Variants in RBBP4 observed in about 807,000 individuals in gnomAD.
RBBP4 encodes histone-binding protein RBBP4.
In RBBP4, 3 loss-of-function variants were observed where a neutral mutation model predicts 57.2. The ratio of observed to expected loss-of-function variants is 0.05; its 90% CI spans 0.02 to 0.14. The LOEUF is 0.14. RBBP4 is among the 10% of genes least tolerant of loss of function. The pLI is 1.00. For missense variants in RBBP4, 107 were observed against 520.6 expected (o/e 0.21, Z 7.73); for synonymous variants, 151 against 171.5 (o/e 0.88, Z 0.93).
At chr1:32,665,695 AG>A (rs1402220763) in intron 3 of RBBP4, among the ~76,000 whole-genome samples, 1 of 150,274 alleles carries the variant, frequency 6.7e-6, no homozygotes, top group Non-Finnish European at 1.5e-5. Flanking sequence ...AAAAAAAAAA[AG>A]CACTATATAG....
At chr1:32,652,145 C>T (rs1420199415) in intron 2 of RBBP4, 84 bp downstream of exon 2, 27 of 1,468,830 alleles carry the variant, frequency 1.8e-5, no homozygotes, top group Non-Finnish European at 2.5e-5. Context: ...GCTCTTCAGT[C>T]ACCCGGAGAA....
At chr1:32,673,638 A>T (rs192422111) in intron 11 of RBBP4, 1 of 252,290 alleles carries the variant, frequency 4.0e-6, no homozygotes, top group Non-Finnish European at 7.9e-6. Flanking sequence ...CGGTTTCACT[A>T]TGTTGGCCAG....
chr1:32,673,015 G>GT, intron 11 of RBBP4, 114 bp downstream of exon 11: 1 of 841,008 alleles, frequency 1.2e-6, no homozygotes, highest in Non-Finnish European at 1.9e-6. Flanking sequence ...ACTCCCAGGT[G>GT]TGATTTTAAG....
At chr1:32,660,836 G>C (rs1027603754) in intron 3 of RBBP4, among the ~76,000 whole-genome samples, 2 of 152,118 alleles carry the variant, frequency 1.3e-5, no homozygotes, top group Non-Finnish European at 2.9e-5. Context: ...TTGAGGCGGA[G>C]TCTTGCTTTG....
Position 32,651,997 on chromosome 1 carries a change from T to G in RBBP4, c.100T>G (p.Leu34Val). Reference protein sequence around the residue: ...WKKNTPFLYDLVMTHALEWPS... With the variant: ...WKKNTPFLYDVVMTHALEWPS... ...AAAGAACACCCCTTTTCTTTATGATTTGGTGATGACCCATGCTCTGGAGTG... is the reference window on the plus strand; with the variant it reads ...AAAGAACACCCCTTTTCTTTATGATGTGGTGATGACCCATGCTCTGGAGTG... The change falls in exon 2 of 12, where the codon TTG becomes GTG. Residue 34 changes from leucine (L) to valine (V), a missense_variant. Physicochemically the swap from Leu to Val is conservative, Grantham distance 32 (BLOSUM62 1). Transcript: ENST00000373493. The G allele has an allele frequency of 6.2e-7, 1 of 1,613,976 alleles. No individual in the cohort carries two copies. Among genetic ancestry groups the G allele is most frequent in the Non-Finnish European group, 8.5e-7 (1 of 1,179,846 alleles).
At chr1:32,678,226 C>T (rs543743461) in intron 11 of RBBP4, among the ~76,000 whole-genome samples, 1 of 152,194 alleles carries the variant, frequency 6.6e-6, no homozygotes, top group African/African-American at 2.4e-5. Flanking sequence ...TATGGATTTG[C>T]CTGTTTTGGA....
At position 32,682,714 on chromosome 1, in the gene RBBP4, T is replaced by G. The variant is rs951149732; in HGVS notation, c.*3009T>G. 2.0e-5 allele frequency: 3 copies of G among 151,358 alleles called. No homozygotes were observed. Among genetic ancestry groups the G allele is most frequent in the East Asian group, 2.0e-4 (1 of 5,082 alleles). The allele number at this position is 151,358 out of a possible 1,614,324, so 9.4% of individuals were successfully genotyped here. ...TGAACCCAGGAGGTGGAGGTTGCAG[T>G]GAACTGAGACCGTGCCACTGCACTC... is the stretch of plus-strand genomic sequence containing the variant. On this transcript the variant is annotated 3_prime_UTR_variant, in exon 12 of 12. Coordinates refer to ENST00000373493, the MANE Select transcript of RBBP4 (RefSeq NM_005610.3).
chr1:32,664,438 A>G (rs576871577), intron 3 of RBBP4, among the ~76,000 whole-genome samples: 9 of 151,768 alleles, frequency 5.9e-5, no homozygotes, highest in South Asian at 2.1e-4. Context: ...TCTGGCAGCT[A>G]TGCTTCTTTT....
rs755475560 is a variant in RBBP4, at chr1:32,669,036, T to C, written c.665T>C (p.Ile222Thr). ...GGAAAAGTGGTAGATGCGAAGACCA[T>C]CTTTACAGGGCATACGGCAGTAGTA... ...KEGKVVDAKT[I>T]FTGHTAVVED... The change falls in exon 6 of 12, where the codon ATC (isoleucine) becomes ACC (threonine). Residue 222 changes from isoleucine to threonine, a missense_variant. Ile to Thr is a moderately conservative substitution (Grantham distance 89, BLOSUM62 -1). Transcript: ENST00000373493. This position sits in a 1 kb window ranked among gnomAD's most constrained non-coding sequence, Gnocchi z 4.9. 2.5e-6 allele frequency: 4 copies of C among 1,613,926 alleles called. No homozygotes were observed.
chr1:32,667,172 CCTCCTTGTGGTGCTGTGCTTCAGTGGTCA>C (rs1347786362), intron 3 of RBBP4, among the ~76,000 whole-genome samples: 1 of 152,190 alleles, frequency 6.6e-6, no homozygotes, highest in Admixed American at 6.5e-5. Flanking sequence ...GGCCTAAACC[CCTCCTTGTGGTGCTGTGCTTCAGTGGTCA>C]TGCTCCTTGT....
rs544784337 is a variant in RBBP4, at chr1:32,655,861, G to T, written c.165-1566G>T. 1.5e-4 allele frequency among the ~76,000 whole-genome samples: 23 copies of T among 152,264 alleles called. No homozygotes were observed. The East Asian group carries it at 4.4e-3, about 29-fold the overall frequency. ...AGCATCTTTCCCATCTAGGCCAGGG[G>T]TTCTCAAAATTTTATATGCATCATA... On this transcript the variant is annotated intron_variant, in intron 2 of 11. Coordinates refer to ENST00000373493, the MANE Select transcript of RBBP4 (RefSeq NM_005610.3).
In RBBP4 at chr1:32,680,362, T is replaced by TG. The variant is rs1252156649; in HGVS notation, c.*657_*658insG. The stretch of plus-strand genomic sequence containing the variant: ...TGTTTTTTTTTTTGTTGTTGGTTTT[T>TG]TTTTTTTTTTTTTTAACTTGGGACC... On this transcript the variant is annotated 3_prime_UTR_variant, in exon 12 of 12. Coordinates refer to ENST00000373493, the MANE Select transcript of RBBP4 (RefSeq NM_005610.3). 9.0e-7 allele frequency: 1 copy of TG among 1,116,912 alleles called. No individual in the cohort carries two copies. Among genetic ancestry groups the TG allele is most frequent in the African/African-American group, 1.6e-5 (1 of 60,866 alleles). The allele number at this position is 1,116,912 out of a possible 1,614,324, so 69.2% of individuals were successfully genotyped here.
chr1:32,681,528 A>G lies in RBBP4; in HGVS notation c.*1823A>G. The G allele has an allele frequency of 7.3e-6, 3 of 409,270 alleles. No individual in the cohort carries two copies. Among genetic ancestry groups the G allele is most frequent in the Non-Finnish European group, 8.7e-6 (2 of 229,122 alleles). The allele number at this position is 409,270 out of a possible 1,614,324, so 25.4% of individuals were successfully genotyped here. ...CTTTAAAATACTCCCAGATGTGTCC[A>G]TACATTCATCCTTCACTCAGTGCAT... On this transcript the variant is annotated 3_prime_UTR_variant, in exon 12 of 12. Transcript: ENST00000373493.
At chr1:32,672,971 TTTTA>T in intron 11 of RBBP4, 70 bp downstream of exon 11, 1 of 1,250,648 alleles carries the variant, frequency 8.0e-7, no homozygotes, top group Non-Finnish European at 1.2e-6. Context: ...CATTTGTATA[TTTTA>T]TGATTACAGC....
chr1:32,668,601 T>C, intron 4 of RBBP4, 138 bp from the exon 5 acceptor site: 1 of 850,646 alleles, frequency 1.2e-6, no homozygotes, highest in East Asian at 2.6e-5. Flanking sequence ...GTTTAAGCAT[T>C]ATCTATTTGA....
chr1:32,685,923 C>G lies in RBBP4; in HGVS notation c.*6218C>G, dbSNP rs1649793945. On this transcript the variant is annotated 3_prime_UTR_variant, in exon 12 of 12. Coordinates refer to ENST00000373493, the MANE Select transcript of RBBP4 (RefSeq NM_005610.3). ...AAATCCTTCAAAGGCTTTCCACTTT[C>G]TTTAGTGGCATTCAGACCCCCTCTA... 2 of 152,182 alleles carry G rather than the reference C, an allele frequency of 1.3e-5. No homozygotes were observed. The allele number at this position is 152,182 out of a possible 1,614,324, so 9.4% of individuals were successfully genotyped here.
intron 3 of RBBP4, among the ~76,000 whole-genome samples, chr1:32,665,302 T>G (rs1210168203): frequency 1.3e-5 from 2 of 152,212 alleles, no homozygotes; most frequent in Non-Finnish European, 2.9e-5. Context: ...TCAAAAGTTA[T>G]TTTGAAGTTG....
chr1:32,651,655 GT>G, intron 1 of RBBP4: 1 of 742,600 alleles, frequency 1.3e-6, no homozygotes, highest in Non-Finnish European at 2.1e-6. Context: ...CGTCGGGCTT[GT>G]GAGTTTCGGC....
At chr1:32,678,676 ACCT>A (rs1649234632) in intron 11 of RBBP4, among the ~76,000 whole-genome samples, 1 of 125,354 alleles carries the variant, frequency 8.0e-6, no homozygotes, top group Non-Finnish European at 1.6e-5. Context: ...TACAACCACC[ACCT>A]CCCAGGTTCA....
Sources: allele counts gnomAD v4.1 joint callset (sites outside exome capture counted in the v4.1 genomes callset), GRCh38; gene constraint gnomAD v4.1.1; non-coding constraint Gnocchi (gnomAD v3.1); transcripts MANE v1.5; gene names NCBI Gene and HGNC (gene_info 2026-07-23, HGNC 2026-07-21).